RORA: variants seen among roughly 807,000 people sequenced by gnomAD.
RORA encodes RAR related orphan receptor A.
In RORA, 7 loss-of-function variants were observed where a neutral mutation model predicts 69.5. The ratio of observed to expected loss-of-function variants is 0.10; its 90% CI spans 0.06 to 0.19. The LOEUF (loss-of-function observed/expected upper bound fraction) is 0.19, where lower values mean the gene tolerates loss of function less well. RORA is among the 10% of genes least tolerant of loss of function. The pLI is 1.00. For missense variants in RORA, 457 were observed against 663.0 expected, an observed-to-expected ratio of 0.69 and a Z score of 3.41; for synonymous variants, 261 against 240.8, an observed-to-expected ratio of 1.08 and a Z score of -0.78.
intron 1 of RORA, among the ~76,000 whole-genome samples, chr15:60,820,538 GA>G (rs1270255134): frequency 6.6e-6 from 1 of 150,798 alleles, no homozygotes; most frequent in South Asian, 2.1e-4. Context: ...AGATTTGAGG[GA>G]AAAAAGGCGC....
At chr15:60,541,585 A>T (rs1312252711) in intron 2 of RORA, among the ~76,000 whole-genome samples, 1 of 152,202 alleles carries the variant, frequency 6.6e-6, no homozygotes, top group African/African-American at 2.4e-5. Context: ...GCTATTTCTT[A>T]GTAGGAAAGG....
At chr15:60,849,114 C>T (rs1017737869) in intron 1 of RORA, 1 of 152,216 alleles carries the variant, frequency 6.6e-6, no homozygotes, top group Non-Finnish European at 1.5e-5. Context: ...TTTTTGTATC[C>T]TTTGCTGCTA....
intron 1 of RORA, among the ~76,000 whole-genome samples, chr15:60,979,786 G>C (rs1293197085): frequency 6.6e-6 from 1 of 151,980 alleles, no homozygotes; most frequent in Non-Finnish European, 1.5e-5. Flanking sequence ...AGAAAATCAT[G>C]TCATCCACTA....
chr15:60,712,805 T>G (rs903945611), intron 1 of RORA, among the ~76,000 whole-genome samples: 11 of 152,182 alleles, frequency 7.2e-5, no homozygotes, highest in Middle Eastern at 3.2e-3. Flanking sequence ...ATGACACCAC[T>G]TGGTGAGAAT....
At chr15:60,798,240 ACACACACACACACAC>A (rs2072526570) in intron 1 of RORA, among the ~76,000 whole-genome samples, 1 of 143,588 alleles carries the variant, frequency 7.0e-6, no homozygotes, top group Non-Finnish European at 1.5e-5. Context: ...ACACACACAC[ACACACACACACACAC>A]ACACACACAC....
chr15:60,668,867 A>G (rs540122046), intron 2 of RORA, among the ~76,000 whole-genome samples: 7 of 152,258 alleles, frequency 4.6e-5, no homozygotes, highest in Non-Finnish European at 8.8e-5. Context: ...AGAAATATCC[A>G]TAATGAGAAA....
At chr15:60,630,522 G>C (rs1377183705) in intron 2 of RORA, 2 of 152,260 alleles carry the variant, frequency 1.3e-5, no homozygotes, top group Non-Finnish European at 2.9e-5. Flanking sequence ...GAGCTCCCCA[G>C]GCTCCTGGGA....
intron 1 of RORA, among the ~76,000 whole-genome samples, chr15:61,136,606 T>A (rs1304086739): frequency 1.3e-5 from 2 of 152,186 alleles, no homozygotes; most frequent in Non-Finnish European, 2.9e-5. Flanking sequence ...GGATTTTATT[T>A]CTCGTAAAGA....
At chr15:61,051,601 T>G (rs1184997682) in intron 1 of RORA, among the ~76,000 whole-genome samples, 1 of 152,176 alleles carries the variant, frequency 6.6e-6, no homozygotes, top group African/African-American at 2.4e-5. Flanking sequence ...CACAGCAGTT[T>G]TAAGTGTGGC....
intron 1 of RORA, among the ~76,000 whole-genome samples, chr15:60,871,046 CTT>C (rs2073549505): frequency 6.6e-6 from 1 of 152,210 alleles, no homozygotes; most frequent in Non-Finnish European, 1.5e-5. Flanking sequence ...GCCAGATCCT[CTT>C]TTCTCTAAAG....
At chr15:61,059,958 A>AGAG (rs1323326405) in intron 1 of RORA, among the ~76,000 whole-genome samples, 59 of 119,856 alleles carry the variant, frequency 4.9e-4, no homozygotes, top group East Asian at 1.5e-3. Flanking sequence ...AAGAAGAAGA[A>AGAG]GAAGAGGAAG....
chr15:60,982,943 G>A (rs903640870), intron 1 of RORA, among the ~76,000 whole-genome samples: 7 of 152,046 alleles, frequency 4.6e-5, no homozygotes, highest in Admixed American at 4.6e-4. Flanking sequence ...TCATAAAGGC[G>A]AGGCACCTCC....
At chr15:60,708,778 A>G (rs2071103663) in intron 1 of RORA, among the ~76,000 whole-genome samples, 1 of 152,220 alleles carries the variant, frequency 6.6e-6, no homozygotes, top group Non-Finnish European at 1.5e-5. Flanking sequence ...TTATTTATAT[A>G]TCAGAGCTCA....
intron 1 of RORA, among the ~76,000 whole-genome samples, chr15:61,166,496 C>T (rs920891531): frequency 1.3e-5 from 2 of 152,158 alleles, no homozygotes; most frequent in African/African-American, 4.8e-5. Context: ...TAATCTTACA[C>T]AACATTTGGA....
chr15:60,627,295 C>G (rs572542837), intron 2 of RORA: 2 of 1,614,178 alleles, frequency 1.2e-6, no homozygotes, highest in Non-Finnish European at 1.7e-6. Context: ...CTGTCCAGTT[C>G]GAAGACAATG....
intron 1 of RORA, among the ~76,000 whole-genome samples, chr15:60,993,644 CA>C (rs3053932): frequency 0.32 from 26,424 of 81,620 alleles, 1,527 homozygotes; most frequent in Admixed American, 0.39. Context: ...CTCTCCATCT[CA>C]AAAAAAAAAA....
At chr15:60,873,249 CTGTGTGTGTGTGTCTGTG>C (rs997071713) in intron 1 of RORA, among the ~76,000 whole-genome samples, 4 of 1,862 alleles carry the variant, frequency 2.1e-3, no homozygotes, top group African/African-American at 9.7e-3. Context: ...GTGTGTGTGT[CTGTGTGTGTGTGTCTGTG>C]TGTGTGTGTC....
intron 1 of RORA, among the ~76,000 whole-genome samples, chr15:60,715,412 AG>A (rs1388228330): frequency 1.1e-4 from 16 of 152,314 alleles, no homozygotes; most frequent in African/African-American, 3.8e-4. Context: ...TCCCAGCGAC[AG>A]GCTGGTGGTC....
intron 1 of RORA, among the ~76,000 whole-genome samples, chr15:61,073,166 T>G (rs1472282036): frequency 1.3e-5 from 2 of 152,190 alleles, no homozygotes; most frequent in African/African-American, 2.4e-5. Flanking sequence ...TGGTCTCTCT[T>G]CTCTTGCTTC....
Sources: allele counts gnomAD v4.1 joint callset (sites outside exome capture counted in the v4.1 genomes callset), GRCh38; gene constraint gnomAD v4.1.1; transcripts MANE v1.5; gene names NCBI Gene and HGNC (gene_info 2026-07-23, HGNC 2026-07-21).